Variants in POLR3B observed in about 807,000 individuals in gnomAD.
POLR3B encodes the protein DNA-directed RNA polymerase III subunit RPC2.
Under a neutral mutation model 147.4 loss-of-function variants are expected in POLR3B, and 96 were observed. The ratio of observed to expected loss-of-function variants is 0.65; its 90% CI spans 0.55 to 0.77. The LOEUF (loss-of-function observed/expected upper bound fraction) is 0.77. Ranked by LOEUF, POLR3B falls within the 30% of genes least tolerant of loss-of-function variation. POLR3B has a pLI of 0.00. For synonymous variants in POLR3B, 461 were observed against 485.9 expected, an observed-to-expected ratio of 0.95 and a Z score of 0.67; for missense variants, 1,036 against 1,413.5, an observed-to-expected ratio of 0.73 and a Z score of 4.28.
At chr12:106,363,312 C>T (rs1016700400) in intron 1 of POLR3B, among the ~76,000 whole-genome samples, 4 of 152,190 alleles carry the variant, frequency 2.6e-5, no homozygotes, top group Non-Finnish European at 5.9e-5. Flanking sequence ...CACACCCAAA[C>T]CAAATTTCTA....
At chr12:106,377,425 AT>A (rs1423647642) in intron 7 of POLR3B, among the ~76,000 whole-genome samples, 1 of 152,184 alleles carries the variant, frequency 6.6e-6, no homozygotes, top group Admixed American at 6.5e-5. Flanking sequence ...AATATGTTGT[AT>A]TGTTTTTGCT....
chr12:106,403,934 A>G (rs1033182371), intron 10 of POLR3B, among the ~76,000 whole-genome samples: 20 of 152,090 alleles, frequency 1.3e-4, no homozygotes, highest in African/African-American at 3.6e-4. Context: ...CACATTGTGC[A>G]CATGTACCCT....
intron 16 of POLR3B, among the ~76,000 whole-genome samples, chr12:106,434,340 A>G (rs1442338628): frequency 6.6e-6 from 1 of 152,170 alleles, no homozygotes. Context: ...CGTTTGACGC[A>G]TGATTTTGCC....
chr12:106,402,266 C>G (rs1315090317), intron 10 of POLR3B, among the ~76,000 whole-genome samples: 2 of 151,928 alleles, frequency 1.3e-5, no homozygotes, highest in Non-Finnish European at 2.9e-5. Flanking sequence ...ATGTGAAGGA[C>G]CTCTTCAAGG....
chr12:106,427,178 C>CA lies in POLR3B; in HGVS notation c.1102-19_1102-18insA. The CA allele has an allele frequency of 1.7e-6, 2 of 1,184,954 alleles. No individual in the cohort carries two copies. Among genetic ancestry groups the CA allele is most frequent in the Non-Finnish European group, 2.4e-6 (2 of 841,138 alleles). The allele number at this position is 1,184,954 out of a possible 1,614,324, so 73.4% of individuals were successfully genotyped here. Reference sequence around the variant, plus strand: ...ATGCTTTTTGAAAAATCACCATATACCTTTTTTTTTTTTTTTAGCTTTTAT... The same window carrying CA: ...ATGCTTTTTGAAAAATCACCATATACACTTTTTTTTTTTTTTTAGCTTTTAT... On this transcript the variant is annotated intron_variant, in intron 12 of 27. Transcript: ENST00000228347.
chr12:106,379,152 G>A (rs2036724444), intron 8 of POLR3B, among the ~76,000 whole-genome samples: 1 of 152,142 alleles, frequency 6.6e-6, no homozygotes, highest in African/African-American at 2.4e-5. Context: ...CAAGATAAGT[G>A]GTACTATTAA....
At chr12:106,507,468 G>A (rs558633107) in intron 27 of POLR3B, among the ~76,000 whole-genome samples, 1 of 152,256 alleles carries the variant, frequency 6.6e-6, no homozygotes, top group Admixed American at 6.5e-5. Context: ...AGGAGAAGAA[G>A]CGAAAGGTAC....
At chr12:106,427,637 A>G (rs1169441357) in intron 13 of POLR3B, among the ~76,000 whole-genome samples, 1 of 152,210 alleles carries the variant, frequency 6.6e-6, no homozygotes, top group Non-Finnish European at 1.5e-5. Flanking sequence ...CTTTTAAAGA[A>G]TACTTTCCCC....
intron 12 of POLR3B, among the ~76,000 whole-genome samples, chr12:106,414,190 T>G (rs1027847269): frequency 6.9e-6 from 1 of 145,756 alleles, no homozygotes; most frequent in Non-Finnish European, 1.5e-5. Flanking sequence ...AGTGCTAAGA[T>G]GTATCCCATG....
intron 12 of POLR3B, among the ~76,000 whole-genome samples, chr12:106,421,826 A>G (rs1037322505): frequency 2.6e-5 from 4 of 151,920 alleles, no homozygotes; most frequent in South Asian, 4.1e-4. Flanking sequence ...CAGCCTCCCA[A>G]GTAGCTGGGA....
At chr12:106,502,011 A>T (rs1274929000) in intron 26 of POLR3B, among the ~76,000 whole-genome samples, 1 of 152,208 alleles carries the variant, frequency 6.6e-6, no homozygotes, top group Non-Finnish European at 1.5e-5. Context: ...TGGGAAAGAG[A>T]ATTATAGCTA....
At chr12:106,492,295 G>C (rs1260071770) in intron 23 of POLR3B, among the ~76,000 whole-genome samples, 2 of 152,102 alleles carry the variant, frequency 1.3e-5, no homozygotes, top group South Asian at 2.1e-4. Flanking sequence ...AGCCAGGCAT[G>C]GTGGCTCACA....
chr12:106,457,053 G>A (rs1176540445), intron 20 of POLR3B, 85 bp from the exon 21 acceptor site: 3 of 1,148,910 alleles, frequency 2.6e-6, no homozygotes, highest in Non-Finnish European at 4.0e-6. Flanking sequence ...GTGAGGTGGA[G>A]TGGATTGTTG....
chr12:106,358,946 A>G (rs1247699658), intron 1 of POLR3B, among the ~76,000 whole-genome samples: 4 of 152,234 alleles, frequency 2.6e-5, no homozygotes, highest in East Asian at 1.9e-4. Flanking sequence ...CTCCTTGGCT[A>G]GGCGTGGTGG....
intron 26 of POLR3B, 55 bp downstream of exon 26, chr12:106,501,491 A>G (rs1592781160): frequency 9.3e-7 from 1 of 1,071,602 alleles, no homozygotes; most frequent in Non-Finnish European, 1.4e-6. Context: ...TCCACCTTGT[A>G]TTTTCCAGAT....
In POLR3B at chr12:106,378,657, A is replaced by T. The variant is rs140712478; in HGVS notation, c.614+273A>T. Among the ~76,000 whole-genome samples, 2,370 of 152,264 alleles carry T rather than the reference A, an allele frequency of 0.016. 62 individuals carry two copies. Among genetic ancestry groups the T allele is most frequent in the African/African-American group, 0.054 (2,253 of 41,528 alleles). ...TAGAGCATGAAAGGAGATTTAAAAAAAAAAAAATAAAACCACTCTTCAGTT... is the reference window on the plus strand; with the variant it reads ...TAGAGCATGAAAGGAGATTTAAAAATAAAAAAATAAAACCACTCTTCAGTT... On this transcript the variant is annotated intron_variant, in intron 8 of 27. Coordinates refer to ENST00000228347, the MANE Select transcript of POLR3B (RefSeq NM_018082.6).
intron 7 of POLR3B, among the ~76,000 whole-genome samples, chr12:106,377,865 C>T (rs1227243289): frequency 2.0e-5 from 3 of 152,018 alleles, no homozygotes; most frequent in East Asian, 1.9e-4. Flanking sequence ...GAGGCTGAGG[C>T]GGGAGGATGG....
At chr12:106,400,693 A>G (rs534804482) in intron 10 of POLR3B, among the ~76,000 whole-genome samples, 2 of 152,340 alleles carry the variant, frequency 1.3e-5, no homozygotes, top group African/African-American at 4.8e-5. Context: ...GCTCAACTAC[A>G]TGGAAACTGA....
chr12:106,408,354 G>A (rs76543328), intron 11 of POLR3B, among the ~76,000 whole-genome samples: 1 of 152,138 alleles, frequency 6.6e-6, no homozygotes, highest in African/African-American at 2.4e-5. Context: ...TTGGTATACT[G>A]GCCTTTCAGT....
Sources: allele counts gnomAD v4.1 joint callset (sites outside exome capture counted in the v4.1 genomes callset), GRCh38; gene constraint gnomAD v4.1.1; transcripts MANE v1.5; gene names NCBI Gene and HGNC (gene_info 2026-07-23, HGNC 2026-07-21).